Variants in ADGRL2 observed in about 807,000 individuals in gnomAD.
ADGRL2 encodes adhesion G protein-coupled receptor L2.
In ADGRL2, 44 loss-of-function variants were observed where a neutral mutation model predicts 157.4. The ratio of observed to expected loss-of-function variants is 0.28; its 90% CI spans 0.22 to 0.36. The LOEUF is 0.36. Among genes scored for constraint, ADGRL2 ranks in the 10% least tolerant of loss-of-function variants. The probability of loss-of-function intolerance (pLI) is 1.00; values close to 1 mark genes in which losing one functional copy is unlikely to be tolerated. For synonymous variants in ADGRL2, 585 were observed against 624.7 expected (o/e 0.94, Z 0.95); for missense variants, 1,510 against 1,768.9 (o/e 0.85, Z 2.63).
At chr1:81,887,247 G>T (rs1340436503) in intron 2 of ADGRL2, among the ~76,000 whole-genome samples, 1 of 152,166 alleles carries the variant, frequency 6.6e-6, no homozygotes, top group South Asian at 2.1e-4. Flanking sequence ...AGCCACCCAG[G>T]TAGTTTGATC....
At chr1:81,758,648 C>A (rs2085769746) in intron 1 of ADGRL2, among the ~76,000 whole-genome samples, 1 of 152,194 alleles carries the variant, frequency 6.6e-6, no homozygotes, top group Non-Finnish European at 1.5e-5. Flanking sequence ...GTGGTTCTAT[C>A]ACCTTTTCTA....
intron 3 of ADGRL2, among the ~76,000 whole-genome samples, chr1:81,672,548 C>T (rs1205655231): frequency 9.9e-5 from 15 of 152,150 alleles, no homozygotes; most frequent in Admixed American, 9.8e-4. Context: ...GACAATGATG[C>T]CACAGGTTGA....
intron 18 of ADGRL2, chr1:81,980,971 A>G (rs1661500907): frequency 8.7e-6 from 4 of 461,996 alleles, no homozygotes; most frequent in South Asian, 4.6e-5. Context: ...TTTTTAAACT[A>G]TAATATGCCT....
intron 2 of ADGRL2, among the ~76,000 whole-genome samples, chr1:81,520,737 C>A (rs2148160910): frequency 6.6e-6 from 1 of 152,314 alleles, no homozygotes; most frequent in South Asian, 2.1e-4. Flanking sequence ...AATTAAACCT[C>A]TTTCCTTTAC....
chr1:81,415,985 C>T (rs1483430034), intron 1 of ADGRL2, among the ~76,000 whole-genome samples: 10 of 151,998 alleles, frequency 6.6e-5, no homozygotes, highest in African/African-American at 9.6e-5. Flanking sequence ...GGACTACAGG[C>T]GCCCGCCACC....
intron 2 of ADGRL2, among the ~76,000 whole-genome samples, chr1:81,772,099 C>T (rs539912113): frequency 6.6e-6 from 1 of 151,470 alleles, no homozygotes; most frequent in East Asian, 2.0e-4. Flanking sequence ...AAAATACAAA[C>T]ATTAGCTGGG....
rs533843101 is a variant in ADGRL2, at chr1:81,358,636, T to C, written c.-302+52127T>C. On this transcript the variant is annotated intron_variant, in intron 1 of 24. Coordinates refer to the ADGRL2 transcript ENST00000370721. ...CCACTGGTGCAGTTAAAAATCAACC[T>C]GGATAGGACAGCTTTGTTTTTTCAT... Among the ~76,000 whole-genome samples the C allele has an allele frequency of 9.9e-5, 15 of 152,270 alleles. No individual in the cohort carries two copies. The South Asian group carries it at 2.1e-3, about 21-fold the overall frequency.
chr1:81,885,248 A>G (rs2151301658), intron 2 of ADGRL2, among the ~76,000 whole-genome samples: 1 of 152,322 alleles, frequency 6.6e-6, no homozygotes, highest in African/African-American at 2.4e-5. Context: ...TAACTGTAAC[A>G]TATTCATGTA....
At chr1:81,610,229 G>GT (rs10657640) in intron 3 of ADGRL2, among the ~76,000 whole-genome samples, 44,610 of 127,014 alleles carry the variant, frequency 0.35, 8,649 homozygotes, top group Admixed American at 0.43. Flanking sequence ...TGGCTTGGAG[G>GT]TTTTTTTTTT....
chr1:81,942,628 A>G (rs981835081), intron 5 of ADGRL2, among the ~76,000 whole-genome samples: 6 of 151,956 alleles, frequency 3.9e-5, no homozygotes, highest in Non-Finnish European at 4.4e-5. Context: ...ATAAAATGAA[A>G]TATATACTGT....
upstream of ADGRL2, among the ~76,000 whole-genome samples, chr1:81,796,424 A>G (rs534145170): frequency 6.6e-6 from 1 of 152,350 alleles, no homozygotes; most frequent in Middle Eastern, 3.4e-3. Context: ...GTGATCTGAC[A>G]GAAGCATTGA....
In ADGRL2 at chr1:81,540,020, T is replaced by C. The variant is rs553644616; in HGVS notation, c.-247-40856T>C. On this transcript the variant is annotated intron_variant, in intron 2 of 24. Transcript: ENST00000370721. ...TGGCATAGTGAAATGAACCCCAAAC[T>C]AGAAATTCTAATTCTGGTTGTACTG... is the stretch of plus-strand genomic sequence containing the variant. Among the ~76,000 whole-genome samples, 10 of 152,212 alleles carry C rather than the reference T, an allele frequency of 6.6e-5. No individual in the cohort carries two copies. The South Asian group carries it at 1.9e-3, about 28-fold the overall frequency.
chr1:81,810,873 CTT>C (rs1306647410), intron 1 of ADGRL2, among the ~76,000 whole-genome samples: 2 of 151,842 alleles, frequency 1.3e-5, no homozygotes, highest in Non-Finnish European at 2.9e-5. Context: ...GACATGTTCA[CTT>C]TTACTAAGGA....
chr1:81,731,996 A>G lies in ADGRL2; in HGVS notation c.-142-29815A>G, dbSNP rs147350267. ...AATGCTCTCGCTATCCACAGAGACT[A>G]GAGTATCACTAGTCCCTGTCCCTTT... On this transcript the variant is annotated intron_variant, in intron 1 of 20. Transcript: ENST00000359929. 2.6e-3 allele frequency among the ~76,000 whole-genome samples: 401 copies of G among 152,336 alleles called. 1 individual carries two copies. Among genetic ancestry groups the G allele is most frequent in the African/African-American group, 9.2e-3 (383 of 41,568 alleles).
At chr1:81,536,716 A>T (rs1171501555) in intron 2 of ADGRL2, among the ~76,000 whole-genome samples, 1 of 152,184 alleles carries the variant, frequency 6.6e-6, no homozygotes, top group Non-Finnish European at 1.5e-5. Flanking sequence ...ACTTATAGTT[A>T]GAATTCTTGA....
At position 81,900,984 on chromosome 1, in the gene ADGRL2, G is replaced by A. The variant is rs566409426; in HGVS notation, c.74-6033G>A. On this transcript the variant is annotated intron_variant, in intron 2 of 23. Transcript: ENST00000686636. The stretch of plus-strand genomic sequence containing the variant: ...GGTATAAGCAGCCACACACTGTGAG[G>A]GCAGAGATTCTGCATATTAAATACA... Among the ~76,000 whole-genome samples the A allele has an allele frequency of 2.1e-4, 32 of 152,184 alleles. 1 individual carries two copies. The highest frequency in any genetic ancestry group is 5.5e-4 in the African/African-American group (23 of 41,516).
chr1:81,537,632 C>T (rs956207570), intron 2 of ADGRL2, among the ~76,000 whole-genome samples: 2 of 151,954 alleles, frequency 1.3e-5, no homozygotes, highest in African/African-American at 4.8e-5. Context: ...ACTAAAAGTA[C>T]TGCTATTTTT....
intron 3 of ADGRL2, among the ~76,000 whole-genome samples, chr1:81,611,574 A>G (rs917387167): frequency 6.6e-6 from 1 of 152,176 alleles, no homozygotes; most frequent in East Asian, 1.9e-4. Flanking sequence ...ATAATTACCA[A>G]TTTTAACAAA....
chr1:81,945,785 C>T (rs1649623694), intron 6 of ADGRL2, among the ~76,000 whole-genome samples: 4 of 152,018 alleles, frequency 2.6e-5, no homozygotes, highest in Admixed American at 2.6e-4. Context: ...CATGAAAATT[C>T]ATATTGACCC....
Sources: gnomAD v4.1 joint callset for allele counts (sites outside exome capture counted in the v4.1 genomes callset) on GRCh38, gnomAD v4.1.1 for gene constraint, MANE v1.5 for transcripts, NCBI Gene and HGNC (gene_info 2026-07-23, HGNC 2026-07-21) for gene names.